CD247: variants seen among roughly 807,000 people sequenced by gnomAD.
The protein encoded by CD247 is T-cell surface glycoprotein CD3 zeta chain.
CD247 carries 13 observed loss-of-function variants against 30.0 expected under a neutral mutation model. That is an observed-to-expected ratio of 0.43 (90% CI 0.28 to 0.69). The LOEUF (loss-of-function observed/expected upper bound fraction) is 0.69, where lower values mean the gene tolerates loss of function less well. CD247 is among the 30% of genes least tolerant of loss of function. The pLI is 0.16. For synonymous variants in CD247, 72 were observed against 80.0 expected (o/e 0.90, Z 0.53); for missense variants, 193 against 212.6 (o/e 0.91, Z 0.57).
At chr1:167,498,032 C>T (rs1234678867) in intron 1 of CD247, among the ~76,000 whole-genome samples, 1 of 152,188 alleles carries the variant, frequency 6.6e-6, no homozygotes, top group Non-Finnish European at 1.5e-5. Context: ...ACAGATCTTG[C>T]TGTAGATGGG....
intron 4 of CD247, among the ~76,000 whole-genome samples, chr1:167,437,945 C>A (rs1322569749): frequency 6.6e-6 from 1 of 151,670 alleles, no homozygotes; most frequent in Non-Finnish European, 1.5e-5. Context: ...ATATTATATT[C>A]AAAAATCATA....
chr1:167,431,480 G>T lies in CD247; in HGVS notation c.*201C>A. The T allele has an allele frequency of 1.5e-6, 1 of 647,696 alleles. No homozygotes were observed. The highest frequency in any genetic ancestry group is 1.8e-5 in the South Asian group (1 of 56,864). The allele number at this position is 647,696 out of a possible 1,614,324, so 40.1% of individuals were successfully genotyped here. On this transcript the variant is annotated 3_prime_UTR_variant, in exon 8 of 8. Transcript: ENST00000362089. Reference sequence around the variant, plus strand: ...GCCCAAGGCCAGGGCCGTAAGCCCTGGGAGTACACTCCCTTAAAGAGTGCA... The same window carrying T: ...GCCCAAGGCCAGGGCCGTAAGCCCTTGGAGTACACTCCCTTAAAGAGTGCA...
chr1:167,516,704 G>C (rs1655619279), intron 1 of CD247, among the ~76,000 whole-genome samples: 1 of 152,146 alleles, frequency 6.6e-6, no homozygotes, highest in South Asian at 2.1e-4. Context: ...TAAAATATCA[G>C]TCTCCATAGA....
intron 1 of CD247, among the ~76,000 whole-genome samples, chr1:167,492,016 C>T (rs916108290): frequency 2.0e-5 from 3 of 151,982 alleles, no homozygotes; most frequent in African/African-American, 4.8e-5. Flanking sequence ...GTTTCAGTTT[C>T]GCAAAATGAA....
At chr1:167,455,992 G>C (rs2102019476) in intron 1 of CD247, among the ~76,000 whole-genome samples, 1 of 152,130 alleles carries the variant, frequency 6.6e-6, no homozygotes, top group South Asian at 2.1e-4. Context: ...ACCCTGAGAG[G>C]CTGGGCCTTC....
intron 1 of CD247, among the ~76,000 whole-genome samples, chr1:167,457,008 T>A (rs902219753): frequency 6.6e-6 from 1 of 152,254 alleles, no homozygotes; most frequent in Non-Finnish European, 1.5e-5. Flanking sequence ...TTTCCAGCCC[T>A]GCTTTCTCTA....
chr1:167,471,652 G>A (rs1415398828), intron 1 of CD247, among the ~76,000 whole-genome samples: 1 of 152,014 alleles, frequency 6.6e-6, no homozygotes, highest in East Asian at 1.9e-4. Flanking sequence ...TCTCACGCTG[G>A]AGTCCAGTGG....
intron 1 of CD247, among the ~76,000 whole-genome samples, chr1:167,443,127 G>A (rs1014823551): frequency 4.6e-5 from 7 of 152,244 alleles, no homozygotes; most frequent in Admixed American, 6.5e-5. Flanking sequence ...AGAGGATGTC[G>A]GTTCAAGAGC....
intron 1 of CD247, among the ~76,000 whole-genome samples, chr1:167,462,612 T>C (rs1354536308): frequency 6.6e-6 from 1 of 152,208 alleles, no homozygotes; most frequent in African/African-American, 2.4e-5. Context: ...ACTGTTCCTT[T>C]TGGGGGCCGA....
intron 1 of CD247, among the ~76,000 whole-genome samples, chr1:167,443,991 G>A (rs1325672768): frequency 1.3e-5 from 2 of 152,144 alleles, no homozygotes; most frequent in Admixed American, 1.3e-4. Flanking sequence ...GCTCTGTGCC[G>A]GGAACTATTG....
intron 1 of CD247, among the ~76,000 whole-genome samples, chr1:167,456,631 T>A (rs559185295): frequency 6.6e-6 from 1 of 152,276 alleles, no homozygotes; most frequent in East Asian, 1.9e-4. Context: ...CAGCTTCTCA[T>A]GTACACCACC....
At chr1:167,434,697 T>C in intron 5 of CD247, 1 of 431,338 alleles carries the variant, frequency 2.3e-6, no homozygotes, top group Non-Finnish European at 4.7e-6. Context: ...CCTTGCTGTG[T>C]CCCCCTACAC....
chr1:167,506,177 A>G (rs1655104485), intron 1 of CD247, among the ~76,000 whole-genome samples: 1 of 151,460 alleles, frequency 6.6e-6, no homozygotes, highest in African/African-American at 2.4e-5. Context: ...GCCCAGTCCC[A>G]CTCTGGTCAC....
At chr1:167,474,280 TCTC>T (rs1240349085) in intron 1 of CD247, among the ~76,000 whole-genome samples, 3 of 151,892 alleles carry the variant, frequency 2.0e-5, no homozygotes, top group Admixed American at 6.6e-5. Context: ...CAGATTTTAA[TCTC>T]CTTAATCTCC....
chr1:167,456,139 T>C (rs1652654555), intron 1 of CD247, among the ~76,000 whole-genome samples: 2 of 152,212 alleles, frequency 1.3e-5, no homozygotes, highest in South Asian at 2.1e-4. Context: ...TTTTGAGCCC[T>C]GTGAGCAAAA....
intron 1 of CD247, among the ~76,000 whole-genome samples, chr1:167,510,905 C>T (rs1026548313): frequency 2.0e-5 from 3 of 152,192 alleles, no homozygotes; most frequent in East Asian, 3.9e-4. Flanking sequence ...CTCTTCCCAA[C>T]CCTCCTCTCA....
At chr1:167,458,673 CT>C (rs1652831832) in intron 1 of CD247, 1 of 101,540 alleles carries the variant, frequency 9.8e-6, no homozygotes, top group Non-Finnish European at 1.9e-5. Flanking sequence ...CTGTTTTTTT[CT>C]TTCTTTCTTT....
At chr1:167,502,107 C>T (rs16859108) in intron 1 of CD247, among the ~76,000 whole-genome samples, 1,863 of 152,318 alleles carry the variant, frequency 0.012, 44 homozygotes, top group African/African-American at 0.043. Context: ...GGCCAGTCAT[C>T]TCAGCAGGTG....
At chr1:167,513,344 GTTGGA>G (rs1444418852) in intron 1 of CD247, among the ~76,000 whole-genome samples, 1 of 152,158 alleles carries the variant, frequency 6.6e-6, no homozygotes, top group South Asian at 2.1e-4. Flanking sequence ...TGTAAAAAAT[GTTGGA>G]TTGGAATATA....
Sources: allele counts gnomAD v4.1 joint callset (sites outside exome capture counted in the v4.1 genomes callset), GRCh38; gene constraint gnomAD v4.1.1; transcripts MANE v1.5; gene names NCBI Gene and HGNC (gene_info 2026-07-23, HGNC 2026-07-21).